The following PIAS2 variants were observed in gnomAD, a reference collection of about 807,000 sequenced individuals.
PIAS2 encodes protein inhibitor of activated STAT 2, also known as E3 SUMO-protein ligase PIAS2.
PIAS2 carries 19 observed loss-of-function variants against 69.7 expected under a neutral mutation model. That is an observed-to-expected ratio of 0.27 (90% CI 0.19 to 0.40). The LOEUF is 0.40. Ranked by LOEUF, PIAS2 falls within the 10% of genes least tolerant of loss-of-function variation. The pLI, the probability that PIAS2 is intolerant of heterozygous loss-of-function variation, is 1.00. For synonymous variants in PIAS2, 261 were observed against 263.2 expected (o/e 0.99, Z 0.08); for missense variants, 624 against 757.0 (o/e 0.82, Z 2.06).
intron 1 of PIAS2, chr18:46,903,643 A>C (rs1489703736): frequency 6.6e-6 from 1 of 152,220 alleles, no homozygotes; most frequent in Admixed American, 6.5e-5. Flanking sequence ...ACTCTGGAAA[A>C]CAGTTTAGCA....
chr18:46,864,547 G>T (rs1397936780), intron 2 of PIAS2, among the ~76,000 whole-genome samples: 2 of 152,114 alleles, frequency 1.3e-5, no homozygotes, highest in Admixed American at 1.3e-4. Context: ...AAGGTGGGTG[G>T]ATCACCTGAG....
intron 12 of PIAS2, chr18:46,816,689 A>T (rs2041586933): frequency 1.9e-6 from 1 of 526,268 alleles, no homozygotes; most frequent in Admixed American, 6.4e-5. Context: ...GTTGGTTTTG[A>T]ACTCCAGAGC....
chr18:46,831,293 G>A (rs1444604098), intron 9 of PIAS2, among the ~76,000 whole-genome samples: 2 of 152,052 alleles, frequency 1.3e-5, no homozygotes, highest in Non-Finnish European at 2.9e-5. Flanking sequence ...ACAGAGATAT[G>A]AAATATTTAG....
chr18:46,887,113 G>T (rs563076067), intron 2 of PIAS2, among the ~76,000 whole-genome samples: 3 of 152,140 alleles, frequency 2.0e-5, no homozygotes, highest in Admixed American at 6.5e-5. Flanking sequence ...TCTACTCATA[G>T]GACTTTGTAC....
intron 9 of PIAS2, among the ~76,000 whole-genome samples, chr18:46,831,752 C>A (rs369257967): frequency 1.3e-5 from 2 of 152,160 alleles, no homozygotes; most frequent in East Asian, 3.9e-4. Flanking sequence ...TGGCCATATA[C>A]CAAACAAAAA....
intron 1 of PIAS2, among the ~76,000 whole-genome samples, chr18:46,910,633 T>G (rs924063410): frequency 6.6e-6 from 1 of 152,054 alleles, no homozygotes; most frequent in East Asian, 1.9e-4. Context: ...ACTACTGAAA[T>G]AAATTTTATA....
At chr18:46,910,566 T>G (rs2057145235) in intron 1 of PIAS2, among the ~76,000 whole-genome samples, 1 of 152,198 alleles carries the variant, frequency 6.6e-6, no homozygotes, top group Non-Finnish European at 1.5e-5. Flanking sequence ...GACAGGTTGC[T>G]ATTTAAAAAG....
chr18:46,826,997 T>C (rs545653626), intron 11 of PIAS2: 2 of 152,224 alleles, frequency 1.3e-5, no homozygotes, highest in African/African-American at 4.8e-5. Flanking sequence ...ATGAAGAAAG[T>C]TTTTTGGGTG....
chr18:46,873,804 G>A (rs1400157538), intron 2 of PIAS2, among the ~76,000 whole-genome samples: 1 of 152,074 alleles, frequency 6.6e-6, no homozygotes, highest in Non-Finnish European at 1.5e-5. Context: ...GAAAGCCGAG[G>A]GAATAACCTT....
intron 2 of PIAS2, among the ~76,000 whole-genome samples, chr18:46,876,831 G>C (rs1210294218): frequency 6.6e-6 from 1 of 151,878 alleles, no homozygotes; most frequent in East Asian, 1.9e-4. Flanking sequence ...CGAGTAGCTG[G>C]GACTACAGGT....
At chr18:46,812,688 T>C (rs962574566) in intron 13 of PIAS2, 76 bp from the exon 14 acceptor site, 7 of 844,732 alleles carry the variant, frequency 8.3e-6, no homozygotes, top group Non-Finnish European at 1.1e-5. Context: ...AATTATTAGA[T>C]ATGCACAAGC....
At position 46,810,446 on chromosome 18, in the gene PIAS2, G is replaced by C. The variant is rs1461128071; in HGVS notation, c.*1987C>G. The C allele has an allele frequency of 6.6e-6, 1 of 152,032 alleles. No homozygotes were observed. Among genetic ancestry groups the C allele is most frequent in the Non-Finnish European group, 1.5e-5 (1 of 68,034 alleles). 9.4% of individuals were successfully genotyped at this position (152,032 alleles called of 1,614,324 possible). ...TCAATAAATATTGCATCTGTATTTAGAGCAGCAACATAAAACTTTATTAGA... is the reference window on the plus strand; with the variant it reads ...TCAATAAATATTGCATCTGTATTTACAGCAGCAACATAAAACTTTATTAGA... On this transcript the variant is annotated 3_prime_UTR_variant, in exon 14 of 14. Transcript: ENST00000585916.
At position 46,810,244 on chromosome 18, in the gene PIAS2, A is replaced by T. The variant is rs913969589; in HGVS notation, c.*2189T>A. 6.6e-6 allele frequency: 1 copy of T among 152,200 alleles called. No individual in the cohort carries two copies. The highest frequency in any genetic ancestry group is 1.5e-5 in the Non-Finnish European group (1 of 68,032). 9.4% of individuals were successfully genotyped at this position (152,200 alleles called of 1,614,324 possible). ...TAAAAGCACAGAGATATCAGTTATA[A>T]GAACCAAGTAAATAAACTAATTTCT... On this transcript the variant is annotated 3_prime_UTR_variant, in exon 14 of 14. Transcript: ENST00000585916.
At chr18:46,869,488 C>T (rs1381499019) in intron 2 of PIAS2, among the ~76,000 whole-genome samples, 2 of 152,042 alleles carry the variant, frequency 1.3e-5, no homozygotes, top group East Asian at 1.9e-4. Context: ...TAAGGAGGGA[C>T]TGAGCCTCAG....
chr18:46,863,471 G>A (rs752891763), intron 3 of PIAS2, among the ~76,000 whole-genome samples: 4 of 151,784 alleles, frequency 2.6e-5, no homozygotes, highest in East Asian at 1.9e-4. Flanking sequence ...ACTAATTTCT[G>A]TATTTCTTGT....
At chr18:46,850,808 C>T (rs892159060) in intron 5 of PIAS2, among the ~76,000 whole-genome samples, 6 of 152,128 alleles carry the variant, frequency 3.9e-5, no homozygotes, top group African/African-American at 1.4e-4. Flanking sequence ...TTCTATTACC[C>T]TTTTGATTGT....
intron 13 of PIAS2, among the ~76,000 whole-genome samples, chr18:46,813,299 C>T (rs2144702979): frequency 6.6e-6 from 1 of 152,274 alleles, no homozygotes; most frequent in East Asian, 1.9e-4. Flanking sequence ...CTGCTTAACA[C>T]CCCTTTCCTA....
At chr18:46,853,000 G>C (rs1039073210) in intron 5 of PIAS2, 3 of 152,456 alleles carry the variant, frequency 2.0e-5, no homozygotes, top group African/African-American at 4.8e-5. Context: ...TTAGCAGCCA[G>C]ACGCAGTGGC....
chr18:46,919,026 TG>T (rs2058344376), upstream of PIAS2, among the ~76,000 whole-genome samples: 1 of 151,582 alleles, frequency 6.6e-6, no homozygotes, highest in East Asian at 1.9e-4. Flanking sequence ...TGTGTGTGTG[TG>T]TGTGTTGTGT....
Sources: gnomAD v4.1 joint callset for allele counts (sites outside exome capture counted in the v4.1 genomes callset) on GRCh38, gnomAD v4.1.1 for gene constraint, MANE v1.5 for transcripts, NCBI Gene and HGNC (gene_info 2026-07-23, HGNC 2026-07-21) for gene names.